The following TTC7B variants were observed in gnomAD, a reference collection of about 807,000 sequenced individuals.
The protein encoded by TTC7B is tetratricopeptide repeat domain 7B, also known as tetratricopeptide repeat protein 7B.
In TTC7B, 28 loss-of-function variants were observed where a neutral mutation model predicts 106.8. The observed-to-expected ratio is 0.26, with a 90% confidence interval of 0.19 to 0.36. The LOEUF is 0.36. Among genes scored for constraint, TTC7B ranks in the 10% least tolerant of loss-of-function variants. The pLI, the probability that TTC7B is intolerant of heterozygous loss-of-function variation, is 1.00. For missense variants in TTC7B, 862 were observed against 1,076.4 expected (o/e 0.80, Z 2.79); for synonymous variants, 405 against 430.6 (o/e 0.94, Z 0.74).
chr14:90,670,678 A>G (rs986916970), intron 9 of TTC7B, among the ~76,000 whole-genome samples: 1 of 152,108 alleles, frequency 6.6e-6, no homozygotes, highest in African/African-American at 2.4e-5. Flanking sequence ...TCAAAAGAAC[A>G]TTTCCATAAT....
Position 90,529,529 on chromosome 14 carries a change from A to G in TTC7B, c.*11839T>C, listed in dbSNP as rs142629389. 6.6e-6 allele frequency: 1 copy of G among 152,312 alleles called. No homozygotes were observed. The highest frequency in any genetic ancestry group is 1.5e-5 in the Non-Finnish European group (1 of 68,034). The allele number at this position is 152,312 out of a possible 1,614,324, so 9.4% of individuals were successfully genotyped here. A position where few individuals can be genotyped will look rare whatever the true frequency, so the allele number is the denominator to read the frequency against. On this transcript the variant is annotated 3_prime_UTR_variant, in exon 20 of 20. Transcript: ENST00000328459. Reference sequence around the variant, plus strand: ...ATCAGAGATGCTAGGAGAAAACATGAGCATGTGAGTGGCTAAGAGTATGGA... The same window carrying G: ...ATCAGAGATGCTAGGAGAAAACATGGGCATGTGAGTGGCTAAGAGTATGGA...
In TTC7B at chr14:90,570,305, T is replaced by C. The variant is rs1191752051; in HGVS notation, c.2310+7801A>G. Among the ~76,000 whole-genome samples, 1 of 152,206 alleles carries C rather than the reference T, an allele frequency of 6.6e-6. No individual in the cohort carries two copies. The highest frequency in any genetic ancestry group is 2.4e-5 in the African/African-American group (1 of 41,444). ...TCATCCAATCCTGCCTCGAAGTCAT[T>C]TCCCGCACTCATTTGGTCAGCAAAG... On this transcript the variant is annotated intron_variant, in intron 19 of 19. Coordinates refer to ENST00000328459, the MANE Select transcript of TTC7B (RefSeq NM_001010854.2). The surrounding 1 kb of genome is among the most constrained non-coding windows in gnomAD (Gnocchi z 4.0).
intron 17 of TTC7B, among the ~76,000 whole-genome samples, chr14:90,597,073 A>T (rs1892236166): frequency 6.6e-6 from 1 of 152,228 alleles, no homozygotes; most frequent in Non-Finnish European, 1.5e-5. Flanking sequence ...ACGTAAAATT[A>T]AAATATAGAG....
chr14:90,665,417 C>T (rs1419501336), intron 9 of TTC7B, among the ~76,000 whole-genome samples: 1 of 152,188 alleles, frequency 6.6e-6, no homozygotes, highest in Non-Finnish European at 1.5e-5. Flanking sequence ...TCCAGCTTTT[C>T]ATAAATCAGC....
intron 2 of TTC7B, 143 bp downstream of exon 2, chr14:90,786,031 C>T (rs1001044064): frequency 1.0e-6 from 1 of 1,000,836 alleles, no homozygotes; most frequent in Non-Finnish European, 1.3e-6. Flanking sequence ...ATCCACCCAA[C>T]TGGGAGCTGG....
At chr14:90,795,283 G>A (rs1291340060) in intron 1 of TTC7B, among the ~76,000 whole-genome samples, 14 of 152,184 alleles carry the variant, frequency 9.2e-5, no homozygotes, top group Admixed American at 9.2e-4. Flanking sequence ...ACAGTGACCC[G>A]TGAGAGCTGG....
intron 1 of TTC7B, among the ~76,000 whole-genome samples, chr14:90,800,844 C>T (rs2030219205): frequency 6.6e-6 from 1 of 151,292 alleles, no homozygotes; most frequent in Non-Finnish European, 1.5e-5. Flanking sequence ...GATGTTAGGA[C>T]AGAAGTAGGG....
Position 90,749,825 on chromosome 14 carries a change from T to C in TTC7B, c.446-4903A>G, listed in dbSNP as rs193134063. On this transcript the variant is annotated intron_variant, in intron 3 of 19. Transcript: ENST00000328459. ...TTAATCACATCCAGTGTACTTTTCA[T>C]ATCAGACATGGTAGTTTTCATCTCT... 1.9e-3 allele frequency among the ~76,000 whole-genome samples: 297 copies of C among 152,362 alleles called. 5 individuals carry two copies. The highest frequency in any genetic ancestry group is 7.0e-3 in the African/African-American group (289 of 41,576).
intron 3 of TTC7B, among the ~76,000 whole-genome samples, chr14:90,771,402 C>A (rs1183049225): frequency 1.3e-5 from 2 of 152,230 alleles, no homozygotes; most frequent in East Asian, 1.9e-4. Context: ...TCAAGACCAG[C>A]CTGGGCAACG....
At chr14:90,755,339 G>T (rs887977539) in intron 3 of TTC7B, among the ~76,000 whole-genome samples, 2 of 152,032 alleles carry the variant, frequency 1.3e-5, no homozygotes, top group African/African-American at 4.8e-5. Flanking sequence ...TGAACTGCTG[G>T]GTCAAATATT....
At chr14:90,813,394 G>A (rs554080827) in intron 1 of TTC7B, among the ~76,000 whole-genome samples, 2 of 152,196 alleles carry the variant, frequency 1.3e-5, no homozygotes, top group Admixed American at 1.3e-4. Flanking sequence ...TGTCTGTTTT[G>A]TTTACCAGTG....
intron 5 of TTC7B, among the ~76,000 whole-genome samples, chr14:90,700,695 C>T (rs967679443): frequency 1.6e-5 from 2 of 127,990 alleles, no homozygotes; most frequent in African/African-American, 5.7e-5. Context: ...TATGTATCTG[C>T]TTTTCCAGAG....
intron 18 of TTC7B, among the ~76,000 whole-genome samples, chr14:90,591,391 A>G (rs1026842193): frequency 6.6e-6 from 1 of 152,188 alleles, no homozygotes; most frequent in African/African-American, 2.4e-5. Flanking sequence ...TTAACCATTA[A>G]GTTCTTCAAT....
intron 3 of TTC7B, among the ~76,000 whole-genome samples, chr14:90,748,005 C>A (rs1355515878): frequency 6.6e-6 from 1 of 152,012 alleles, no homozygotes; most frequent in African/African-American, 2.4e-5. Context: ...TACTTTTAAT[C>A]TATTGTGTCT....
intron 3 of TTC7B, among the ~76,000 whole-genome samples, chr14:90,769,864 A>G (rs1406745423): frequency 2.0e-5 from 3 of 152,232 alleles, no homozygotes; most frequent in Non-Finnish European, 4.4e-5. Flanking sequence ...AAATTAAAAA[A>G]GGCGTTGAGT....
chr14:90,562,377 G>A (rs1483190701), intron 19 of TTC7B, among the ~76,000 whole-genome samples: 1 of 152,172 alleles, frequency 6.6e-6, no homozygotes, highest in East Asian at 1.9e-4. Flanking sequence ...ACCTTGGACT[G>A]TCAACGTGTT....
At chr14:90,815,063 G>C (rs577714989) in intron 1 of TTC7B, among the ~76,000 whole-genome samples, 1 of 152,176 alleles carries the variant, frequency 6.6e-6, no homozygotes, top group Non-Finnish European at 1.5e-5. Flanking sequence ...GAAGTGAGAA[G>C]GTTGAAAATA....
chr14:90,689,609 G>A lies in TTC7B; in HGVS notation c.881C>T (p.Pro294Leu). 2 of 1,614,166 alleles carry A rather than the reference G, an allele frequency of 1.2e-6. No homozygotes were observed. The highest frequency in any genetic ancestry group is 1.7e-6 in the Non-Finnish European group (2 of 1,180,002). The change falls in exon 7 of 20, where the codon CCT (proline) becomes CTT (leucine). Residue 294 changes from proline to leucine, a missense_variant. Coordinates refer to ENST00000328459, the MANE Select transcript of TTC7B (RefSeq NM_001010854.2). ...DPPCQSPLDD[P>L]LRKGANTKTY... ...TTTTGTGTTTGCTCCTTTGCGGAGA[G>A]GATCGTCCAGAGGTGACTGGCACGG...
At chr14:90,571,283 G>A (rs569088684) in intron 19 of TTC7B, among the ~76,000 whole-genome samples, 13 of 152,350 alleles carry the variant, frequency 8.5e-5, no homozygotes, top group African/African-American at 3.1e-4. Flanking sequence ...ATCGAAGAGT[G>A]TGTGTCACCA....
Sources: gnomAD v4.1 joint callset for allele counts (sites outside exome capture counted in the v4.1 genomes callset) on GRCh38, gnomAD v4.1.1 for gene constraint, Gnocchi (gnomAD v3.1) non-coding constraint, MANE v1.5 for transcripts, NCBI Gene and HGNC (gene_info 2026-07-23, HGNC 2026-07-21) for gene names.